The following OTOGL variants were observed in gnomAD, a reference collection of about 807,000 sequenced individuals.
The protein encoded by OTOGL is otogelin-like protein.
OTOGL carries 285 observed loss-of-function variants against 318.5 expected under a neutral mutation model. That is an observed-to-expected ratio of 0.89 (90% CI 0.81 to 0.99). The LOEUF is 0.99. OTOGL is among the 50% of genes least tolerant of loss of function. The probability of loss-of-function intolerance (pLI) is 0.00; values close to 1 mark genes in which losing one functional copy is unlikely to be tolerated. For synonymous variants in OTOGL, 987 were observed against 936.5 expected (o/e 1.05, Z -0.99); for missense variants, 2,899 against 2,845.6 (o/e 1.02, Z -0.43).
chr12:80,302,328 T>C (rs1885817300), intron 27 of OTOGL, among the ~76,000 whole-genome samples: 1 of 152,258 alleles, frequency 6.6e-6, no homozygotes, highest in South Asian at 2.1e-4. Flanking sequence ...GGCAGGGATA[T>C]CACTTAATGT....
chr12:80,305,540 A>G, intron 28 of OTOGL, 36 bp from the exon 29 acceptor site: 4 of 1,431,816 alleles, frequency 2.8e-6, no homozygotes, highest in Non-Finnish European at 3.7e-6. Flanking sequence ...TTAAAGTGAA[A>G]ACAGAATATT....
intron 5 of OTOGL, among the ~76,000 whole-genome samples, chr12:80,218,775 CTTTT>C (rs954704193): frequency 2.9e-5 from 4 of 137,886 alleles, no homozygotes; most frequent in African/African-American, 1.1e-4. Context: ...GTATAGATTT[CTTTT>C]TTTTTCTTTT....
At chr12:80,269,865 T>A (rs951882527) in intron 22 of OTOGL, among the ~76,000 whole-genome samples, 3 of 152,174 alleles carry the variant, frequency 2.0e-5, no homozygotes, top group Non-Finnish European at 2.9e-5. Flanking sequence ...GATGTTCATG[T>A]CTCCCATGCC....
Position 80,367,564 on chromosome 12 carries a change from A to T in OTOGL, c.6335A>T (p.Lys2112Met). 1 of 1,511,352 alleles carries T rather than the reference A, an allele frequency of 6.6e-7. No individual in the cohort carries two copies. The highest frequency in any genetic ancestry group is 9.0e-7 in the Non-Finnish European group (1 of 1,116,412). 93.6% of individuals were successfully genotyped at this position (1,511,352 alleles called of 1,614,324 possible). Residue 2112 changes from lysine (K) to methionine (M), a missense_variant, in exon 54 of 59, where the codon AAG (lysine) becomes ATG (methionine). Around this residue, in one of 3 missense-constraint regions of OTOGL, gnomAD observed 289 missense variants for 304.6 expected, o/e 0.95. Transcript: ENST00000547103. ...TGACTATGTTTTCTGTTCTTAGAAAAGGATGATGTGTGTGTATTTCAAGAA... is the reference window on the plus strand; with the variant it reads ...TGACTATGTTTTCTGTTCTTAGAAATGGATGATGTGTGTGTATTTCAAGAA... ...DCGCIQYLCE[K>M]DDVCVFQEVS...
At chr12:80,140,584 T>C (rs1871868837) in intron 1 of OTOGL, among the ~76,000 whole-genome samples, 1 of 152,196 alleles carries the variant, frequency 6.6e-6, no homozygotes, top group African/African-American at 2.4e-5. Flanking sequence ...GGCTCTGCCA[T>C]TAACTACCTG....
intron 26 of OTOGL, among the ~76,000 whole-genome samples, chr12:80,280,560 C>T (rs532543500): frequency 6.6e-6 from 1 of 152,036 alleles, no homozygotes; most frequent in African/African-American, 2.4e-5. Context: ...AGAATCCTTT[C>T]CTCATTGCTT....
chr12:80,251,795 A>G lies in OTOGL; in HGVS notation c.1155A>G (p.Ala385=). Residue 385 remains alanine (A), a synonymous_variant, in exon 12 of 59, where the codon GCA becomes GCG. Transcript: ENST00000547103. ...AAGACTGGAGAGATGACTTTCCAGC[A>G]TGCAGTATGTTTTTTTATTTTCCAA... ...PIQDWRDDFP[A]CTDKCDDSFV... The G allele has an allele frequency of 2.6e-6, 4 of 1,567,700 alleles. No individual in the cohort carries two copies. Among genetic ancestry groups the G allele is most frequent in the Non-Finnish European group, 2.6e-6 (3 of 1,154,244 alleles).
chr12:80,352,722 A>G lies in OTOGL; in HGVS notation c.5407+286A>G, dbSNP rs1889629225. Among the ~76,000 whole-genome samples the G allele has an allele frequency of 2.0e-5, 3 of 152,192 alleles. No individual in the cohort carries two copies. The South Asian group carries it at 6.2e-4, about 31-fold the overall frequency. Reference sequence around the variant, plus strand: ...TCATCGGGAATGTGTGTCATCTCCAATTTCACTAGACACTGTCAAATTGTT... The same window carrying G: ...TCATCGGGAATGTGTGTCATCTCCAGTTTCACTAGACACTGTCAAATTGTT... On this transcript the variant is annotated intron_variant, in intron 45 of 58. Transcript: ENST00000547103.
At chr12:80,229,586 G>A (rs1055950304) in intron 8 of OTOGL, among the ~76,000 whole-genome samples, 1 of 151,908 alleles carries the variant, frequency 6.6e-6, no homozygotes, top group African/African-American at 2.4e-5. Flanking sequence ...CCTTCCTAAT[G>A]CTTGTGTGCA....
At chr12:80,106,043 T>G (rs561749968) in intron 1 of OTOGL, among the ~76,000 whole-genome samples, 92 of 152,056 alleles carry the variant, frequency 6.1e-4, no homozygotes, top group African/African-American at 2.1e-3. Context: ...AAGGAATAAT[T>G]CCAAGATCTA....
At chr12:80,224,545 G>A (rs901384047) in intron 7 of OTOGL, among the ~76,000 whole-genome samples, 4 of 152,126 alleles carry the variant, frequency 2.6e-5, no homozygotes, top group Non-Finnish European at 5.9e-5. Context: ...ACCCATCAAC[G>A]AGCATGGGAT....
chr12:80,323,909 T>C, intron 35 of OTOGL, 69 bp downstream of exon 35: 4 of 1,264,516 alleles, frequency 3.2e-6, no homozygotes, highest in Non-Finnish European at 4.5e-6. Flanking sequence ...TTGATTTTTT[T>C]CAAGATTTTA....
chr12:80,186,630 C>A (rs564602562), intron 1 of OTOGL, among the ~76,000 whole-genome samples: 2 of 152,088 alleles, frequency 1.3e-5, no homozygotes, highest in African/African-American at 4.8e-5. Context: ...TATTTTCAGA[C>A]GTATCGCTCA....
intron 1 of OTOGL, among the ~76,000 whole-genome samples, chr12:80,175,687 CA>C (rs1874480554): frequency 6.6e-6 from 1 of 152,076 alleles, no homozygotes; most frequent in African/African-American, 2.4e-5. Flanking sequence ...AGTGACTTGG[CA>C]ACTCTATGCA....
chr12:80,316,346 A>G (rs1042353190), intron 32 of OTOGL, among the ~76,000 whole-genome samples: 4 of 152,188 alleles, frequency 2.6e-5, no homozygotes, highest in African/African-American at 7.2e-5. Flanking sequence ...TTCTGTTATG[A>G]CAATCTCCAT....
At chr12:80,254,873 G>T (rs1333459334) in intron 15 of OTOGL, among the ~76,000 whole-genome samples, 167 bp from the exon 16 acceptor site, 1 of 151,974 alleles carries the variant, frequency 6.6e-6, no homozygotes, top group Non-Finnish European at 1.5e-5. Flanking sequence ...TGTCAAACCA[G>T]TAAATTTTAA....
At chr12:80,285,017 T>C (rs183563506) in intron 26 of OTOGL, among the ~76,000 whole-genome samples, 96 of 152,100 alleles carry the variant, frequency 6.3e-4, no homozygotes, top group Non-Finnish European at 1.1e-3. Flanking sequence ...TTAGGTCTTA[T>C]GCTTAAGTCT....
In OTOGL at chr12:80,313,644, A is replaced by C. The variant is rs190638140; in HGVS notation, c.3607+12A>C. 1,870 of 1,597,836 alleles carry C rather than the reference A, an allele frequency of 1.2e-3. 22 individuals carry two copies. In the African/African-American group the frequency reaches 0.022, roughly 19 times the overall value. ...ATCTACTGTTTGTTGTAAGTACCCT[A>C]CTTAGAACATCATTATGTAGAGAAC... is the stretch of plus-strand genomic sequence containing the variant. On this transcript the variant is annotated intron_variant, in intron 31 of 58. Coordinates refer to ENST00000547103, the MANE Select transcript of OTOGL (RefSeq NM_001378609.3).
chr12:80,207,499 C>G (rs1233781422), intron 1 of OTOGL, among the ~76,000 whole-genome samples: 1 of 152,132 alleles, frequency 6.6e-6, no homozygotes, highest in Non-Finnish European at 1.5e-5. Flanking sequence ...GCCACCACGC[C>G]CAGCCCTGAC....
Sources: allele counts gnomAD v4.1 joint callset (sites outside exome capture counted in the v4.1 genomes callset), GRCh38; gene constraint gnomAD v4.1.1; regional missense constraint gnomAD v4.1.1; transcripts MANE v1.5; gene names NCBI Gene and HGNC (gene_info 2026-07-23, HGNC 2026-07-21).